Variants in NCOA1 observed in about 807,000 individuals in gnomAD.
The protein encoded by NCOA1 is nuclear receptor coactivator 1.
NCOA1 carries 35 observed loss-of-function variants against 150.9 expected under a neutral mutation model. The ratio of observed to expected loss-of-function variants is 0.23; its 90% CI spans 0.18 to 0.31. NCOA1 has a LOEUF of 0.31. Among genes scored for constraint, NCOA1 ranks in the 10% least tolerant of loss-of-function variants. The pLI is 1.00. For missense variants in NCOA1, 1,491 were observed against 1,749.3 expected (o/e 0.85, Z 2.63); for synonymous variants, 590 against 630.0 (o/e 0.94, Z 0.95).
chr2:24,690,014 G>C (rs1672588995), intron 8 of NCOA1, among the ~76,000 whole-genome samples: 1 of 152,162 alleles, frequency 6.6e-6, no homozygotes, highest in Non-Finnish European at 1.5e-5. Context: ...TTTGAAAATA[G>C]TCATATATGT....
At chr2:24,673,639 G>A (rs1435921650) in intron 7 of NCOA1, among the ~76,000 whole-genome samples, 176 bp downstream of exon 7, 1 of 152,154 alleles carries the variant, frequency 6.6e-6, no homozygotes, top group Non-Finnish European at 1.5e-5. Flanking sequence ...AGAATCAAAA[G>A]TGAATAATGA....
chr2:24,765,168 C>T (rs918756094), intron 22 of NCOA1, among the ~76,000 whole-genome samples: 6 of 145,806 alleles, frequency 4.1e-5, no homozygotes, highest in Admixed American at 2.0e-4. Flanking sequence ...CAGAGGGATA[C>T]TTCGACTCAA....
At chr2:24,760,329 T>TC in intron 21 of NCOA1, among the ~76,000 whole-genome samples, 1 of 146,614 alleles carries the variant, frequency 6.8e-6, no homozygotes, top group South Asian at 2.2e-4. Flanking sequence ...TTTTTTTTTT[T>TC]TGTATTTTTG....
intron 1 of NCOA1, among the ~76,000 whole-genome samples, chr2:24,506,106 G>T (rs1663682133): frequency 6.6e-6 from 1 of 151,884 alleles, no homozygotes; most frequent in Non-Finnish European, 1.5e-5. Context: ...TGCCCAATTT[G>T]CTTGTGCTGG....
At chr2:24,600,869 A>G (rs779542477) in intron 3 of NCOA1, among the ~76,000 whole-genome samples, 12 of 152,232 alleles carry the variant, frequency 7.9e-5, no homozygotes, top group Non-Finnish European at 1.8e-4. Context: ...AATGTGAATT[A>G]CTGAAATAAA....
chr2:24,723,437 T>C (rs1674456407), intron 14 of NCOA1, among the ~76,000 whole-genome samples: 1 of 152,224 alleles, frequency 6.6e-6, no homozygotes, highest in South Asian at 2.1e-4. Context: ...ACGGTATATC[T>C]GAGATACAAG....
At chr2:24,697,127 CACTT>C (rs1672942801) in intron 10 of NCOA1, among the ~76,000 whole-genome samples, 1 of 152,226 alleles carries the variant, frequency 6.6e-6, no homozygotes, top group Non-Finnish European at 1.5e-5. Flanking sequence ...TTAATGTTCT[CACTT>C]ACTGTTTTTC....
intron 14 of NCOA1, among the ~76,000 whole-genome samples, chr2:24,714,117 AT>A (rs1398249192): frequency 6.6e-6 from 1 of 152,188 alleles, no homozygotes; most frequent in African/African-American, 2.4e-5. Context: ...CATCTGGGAC[AT>A]TTAGTGGAAA....
At chr2:24,603,171 A>G (rs1572476363) in intron 3 of NCOA1, among the ~76,000 whole-genome samples, 1 of 112,404 alleles carries the variant, frequency 8.9e-6, no homozygotes, top group Non-Finnish European at 2.1e-5. Flanking sequence ...GTGCAATAGC[A>G]TTGTGTCTAA....
intron 1 of NCOA1, among the ~76,000 whole-genome samples, chr2:24,516,413 C>T (rs1205235871): frequency 2.0e-5 from 3 of 151,258 alleles, no homozygotes; most frequent in East Asian, 3.9e-4. Context: ...AGGATGGTCT[C>T]GATCTCCTGA....
At chr2:24,622,266 G>A (rs539291440) in intron 3 of NCOA1, among the ~76,000 whole-genome samples, 77 of 152,262 alleles carry the variant, frequency 5.1e-4, no homozygotes, top group African/African-American at 1.8e-3. Flanking sequence ...CTCAACAACA[G>A]CACTGTTGAC....
intron 1 of NCOA1, among the ~76,000 whole-genome samples, chr2:24,528,277 G>C (rs896718977): frequency 1.3e-5 from 2 of 151,358 alleles, no homozygotes; most frequent in Admixed American, 1.3e-4. Context: ...TCTTCTAGGA[G>C]CTTTATTGTT....
At chr2:24,694,198 A>G (rs778934612) in intron 10 of NCOA1, among the ~76,000 whole-genome samples, 3 of 152,250 alleles carry the variant, frequency 2.0e-5, no homozygotes, top group African/African-American at 2.4e-5. Context: ...TTTTATTTTC[A>G]GCAAGAACAA....
intron 6 of NCOA1, among the ~76,000 whole-genome samples, 159 bp from the exon 7 acceptor site, chr2:24,673,207 C>G (rs1671759579): frequency 6.6e-6 from 1 of 152,026 alleles, no homozygotes; most frequent in South Asian, 2.1e-4. Flanking sequence ...ATTTTATGAT[C>G]CATAAAATGA....
chr2:24,687,155 C>G (rs1206056903), intron 8 of NCOA1, among the ~76,000 whole-genome samples: 1 of 152,008 alleles, frequency 6.6e-6, no homozygotes, highest in Non-Finnish European at 1.5e-5. Flanking sequence ...TAATTCCTAA[C>G]CATTCCTCCA....
intron 10 of NCOA1, 32 bp from the exon 11 acceptor site, chr2:24,697,626 G>A (rs2148573662): frequency 6.4e-7 from 1 of 1,559,562 alleles, no homozygotes; most frequent in African/African-American, 1.4e-5. Flanking sequence ...TAAAGAGGCT[G>A]TTATAAATAT....
At chr2:24,763,950 A>C (rs868867047) in intron 22 of NCOA1, among the ~76,000 whole-genome samples, 1 of 152,074 alleles carries the variant, frequency 6.6e-6, no homozygotes, top group African/African-American at 2.4e-5. Flanking sequence ...GAACATTTTT[A>C]ACCCAGGGAT....
At chr2:24,578,767 A>T (rs1667086689) in intron 2 of NCOA1, among the ~76,000 whole-genome samples, 1 of 152,126 alleles carries the variant, frequency 6.6e-6, no homozygotes, top group East Asian at 1.9e-4. Flanking sequence ...TAATGATCTT[A>T]CTCTTGGGAA....
intron 17 of NCOA1, among the ~76,000 whole-genome samples, 169 bp from the exon 18 acceptor site, chr2:24,739,263 A>G (rs1314812973): frequency 2.0e-5 from 3 of 152,180 alleles, no homozygotes; most frequent in Non-Finnish European, 1.5e-5. Flanking sequence ...TAAGTGTTTT[A>G]TAAACATTGG....
Sources: gnomAD v4.1 joint callset for allele counts (sites outside exome capture counted in the v4.1 genomes callset) on GRCh38, gnomAD v4.1.1 for gene constraint, MANE v1.5 for transcripts, NCBI Gene and HGNC (gene_info 2026-07-23, HGNC 2026-07-21) for gene names.